Variants in XYLB observed in about 807,000 individuals in gnomAD.
The protein encoded by XYLB is xylulokinase, also known as xylulose kinase.
A neutral mutation model predicts 78.7 loss-of-function variants in XYLB; 62 were observed. The ratio of observed to expected loss-of-function variants is 0.79; its 90% CI spans 0.64 to 0.97. XYLB has a LOEUF of 0.97. Among genes scored for constraint, XYLB ranks in the 50% least tolerant of loss-of-function variants. The pLI is 0.00. For synonymous variants in XYLB, 245 were observed against 247.4 expected, an observed-to-expected ratio of 0.99 and a Z score of 0.09; for missense variants, 687 against 676.8, an observed-to-expected ratio of 1.02 and a Z score of -0.17.
chr3:38,348,252 A>C (rs1288799843), intron 1 of XYLB, among the ~76,000 whole-genome samples: 1 of 152,100 alleles, frequency 6.6e-6, no homozygotes, highest in South Asian at 2.1e-4. Flanking sequence ...GAACCAACTC[A>C]TCTGTGAACA....
chr3:38,383,079 T>C (rs1707226538), intron 15 of XYLB, among the ~76,000 whole-genome samples: 1 of 152,240 alleles, frequency 6.6e-6, no homozygotes, highest in Non-Finnish European at 1.5e-5. Flanking sequence ...AAATGATTAT[T>C]GTGATACTAA....
intron 8 of XYLB, 22 bp downstream of exon 8, chr3:38,368,279 G>A: frequency 1.9e-6 from 3 of 1,611,786 alleles, no homozygotes; most frequent in Non-Finnish European, 2.5e-6. Flanking sequence ...GGTATGGGGT[G>A]GGTGCCTGGG....
chr3:38,425,429 G>T (rs1709080824), downstream of XYLB, among the ~76,000 whole-genome samples: 2 of 152,212 alleles, frequency 1.3e-5, no homozygotes, highest in Non-Finnish European at 2.9e-5. Context: ...AATTACAAAA[G>T]CAGAAGAGGA....
chr3:38,354,216 G>A (rs1705520550), intron 2 of XYLB, among the ~76,000 whole-genome samples: 1 of 151,868 alleles, frequency 6.6e-6, no homozygotes, highest in African/African-American at 2.4e-5. Context: ...TGGGATTACA[G>A]GCGCCCGCCA....
chr3:38,451,884 G>A, the XYLB span: 1 of 152,216 alleles, frequency 6.6e-6, no homozygotes, highest in Non-Finnish European at 1.5e-5. Flanking sequence ...AGACAGGTCA[G>A]AGTGGAAGAC....
chr3:38,362,654 C>G (rs1706034431), intron 3 of XYLB, among the ~76,000 whole-genome samples: 1 of 151,948 alleles, frequency 6.6e-6, no homozygotes, highest in Non-Finnish European at 1.5e-5. Context: ...AGAGCGAGAC[C>G]CTGTCTCGAA....
intron 15 of XYLB, among the ~76,000 whole-genome samples, chr3:38,380,978 A>G (rs746769137): frequency 3.9e-5 from 6 of 152,188 alleles, no homozygotes; most frequent in Non-Finnish European, 5.9e-5. Flanking sequence ...TCAAAAGCAG[A>G]TGGCACTACA....
intron 18 of XYLB, among the ~76,000 whole-genome samples, chr3:38,411,307 A>C (rs1176467518): frequency 6.6e-6 from 1 of 151,872 alleles, no homozygotes; most frequent in African/African-American, 2.4e-5. Flanking sequence ...ACATGTTCTC[A>C]CTCATAGGTG....
the XYLB span, among the ~76,000 whole-genome samples, chr3:38,450,015 CTG>C: frequency 1.3e-5 from 2 of 152,140 alleles, no homozygotes; most frequent in South Asian, 4.1e-4. Context: ...ACTTTGAGAA[CTG>C]TGTCTAGGAA....
At chr3:38,366,973 T>G in intron 7 of XYLB, 100 bp downstream of exon 7, 1 of 751,014 alleles carries the variant, frequency 1.3e-6, no homozygotes, top group Admixed American at 2.5e-5. Context: ...AAAACATTGA[T>G]AAGCAGACAT....
chr3:38,360,949 C>T (rs1474881117), intron 3 of XYLB, among the ~76,000 whole-genome samples: 1 of 152,140 alleles, frequency 6.6e-6, no homozygotes, highest in Non-Finnish European at 1.5e-5. Context: ...GTAGGAGAAT[C>T]ACTTGAACTT....
At chr3:38,408,635 C>G (rs1220567344) in intron 18 of XYLB, among the ~76,000 whole-genome samples, 1 of 151,664 alleles carries the variant, frequency 6.6e-6, no homozygotes, top group Non-Finnish European at 1.5e-5. Context: ...TGATAGACCA[C>G]TAGCAAGACT....
chr3:38,409,571 CAGTT>C lies in XYLB; in HGVS notation c.1534-3362_1534-3359del, dbSNP rs779290857. Among the ~76,000 whole-genome samples, 239 of 152,234 alleles carry C rather than the reference CAGTT, an allele frequency of 1.6e-3. 2 individuals carry two copies. In the Middle Eastern group the frequency reaches 0.017, roughly 11 times the overall value. On this transcript the variant is annotated intron_variant, in intron 18 of 18. Coordinates refer to ENST00000207870, the MANE Select transcript of XYLB (RefSeq NM_005108.4). ...GCAGGAGAAGGAAATAAAGGGTACT[CAGTT>C]AGGAAAAGAGGAAGTCAAATTGTCC... is the stretch of plus-strand genomic sequence containing the variant.
intron 7 of XYLB, among the ~76,000 whole-genome samples, chr3:38,367,722 T>C (rs1706338114): frequency 2.0e-5 from 3 of 152,200 alleles, no homozygotes; most frequent in Admixed American, 2.0e-4. Context: ...CTCTGGCTAG[T>C]GCTCAGGGTC....
intron 2 of XYLB, chr3:38,355,983 G>A (rs1022691265): frequency 3.8e-5 from 21 of 559,366 alleles, no homozygotes; most frequent in South Asian, 7.0e-5. Context: ...AGGTGTGGTC[G>A]CTCACGCCTG....
At chr3:38,354,672 T>C (rs1257050881) in intron 2 of XYLB, among the ~76,000 whole-genome samples, 2 of 151,888 alleles carry the variant, frequency 1.3e-5, no homozygotes, top group Non-Finnish European at 2.9e-5. Flanking sequence ...TTGGCTAATT[T>C]TTGAGTTTTT....
the XYLB span, among the ~76,000 whole-genome samples, chr3:38,445,730 G>A: frequency 6.6e-6 from 1 of 152,194 alleles, no homozygotes; most frequent in African/African-American, 2.4e-5. Flanking sequence ...ACTCCGAAGA[G>A]TCAGGGTTTG....
intron 18 of XYLB, among the ~76,000 whole-genome samples, chr3:38,406,829 G>C (rs918074131): frequency 1.3e-5 from 2 of 152,150 alleles, no homozygotes; most frequent in Admixed American, 6.5e-5. Flanking sequence ...GGGAAGTTTA[G>C]AGAAAAAAGA....
chr3:38,397,423 G>A (rs1331281134), intron 17 of XYLB, among the ~76,000 whole-genome samples: 1 of 152,212 alleles, frequency 6.6e-6, no homozygotes, highest in African/African-American at 2.4e-5. Flanking sequence ...ACAGGGACAT[G>A]GGAAAAGAAC....
Sources: gnomAD v4.1 joint callset for allele counts (sites outside exome capture counted in the v4.1 genomes callset) on GRCh38, gnomAD v4.1.1 for gene constraint, MANE v1.5 for transcripts, NCBI Gene and HGNC (gene_info 2026-07-23, HGNC 2026-07-21) for gene names.